The following LRP6 variants were observed in gnomAD, a reference collection of about 807,000 sequenced individuals.
LRP6 encodes LDL receptor related protein 6, also known as low-density lipoprotein receptor-related protein 6.
In LRP6, 43 loss-of-function variants were observed where a neutral mutation model predicts 184.1. The observed-to-expected ratio is 0.23, with a 90% CI of 0.18 to 0.30. The LOEUF is 0.30. LRP6 is among the 10% of genes least tolerant of loss of function. LRP6 has a pLI of 1.00. For synonymous variants in LRP6, 719 were observed against 684.9 expected, an observed-to-expected ratio of 1.05 and a Z score of -0.78; for missense variants, 1,571 against 2,005.3, an observed-to-expected ratio of 0.78 and a Z score of 4.14.
chr12:12,229,323 T>C (rs1327081475), intron 2 of LRP6, among the ~76,000 whole-genome samples: 1 of 138,980 alleles, frequency 7.2e-6, no homozygotes, highest in Non-Finnish European at 1.5e-5. Context: ...TGAGCCGAGA[T>C]CATGCCATTG....
intron 7 of LRP6, among the ~76,000 whole-genome samples, chr12:12,179,015 C>A (rs758261368): frequency 1.7e-4 from 26 of 152,048 alleles, no homozygotes; most frequent in Non-Finnish European, 3.2e-4. Context: ...TGTGAAGTTT[C>A]CCCCAAAGGA....
At chr12:12,237,966 T>A (rs1017027819) in intron 2 of LRP6, among the ~76,000 whole-genome samples, 9 of 152,172 alleles carry the variant, frequency 5.9e-5, no homozygotes, top group Admixed American at 5.9e-4. Context: ...TTATACAAAA[T>A]GTCAATATTT....
At chr12:12,228,299 G>A (rs1007938437) in intron 2 of LRP6, among the ~76,000 whole-genome samples, 2 of 152,144 alleles carry the variant, frequency 1.3e-5, no homozygotes, top group African/African-American at 4.8e-5. Context: ...GGGAGGCGGA[G>A]GTTGCGGTGA....
At chr12:12,209,251 T>A (rs1472046256) in intron 2 of LRP6, among the ~76,000 whole-genome samples, 1 of 152,226 alleles carries the variant, frequency 6.6e-6, no homozygotes, top group Non-Finnish European at 1.5e-5. Context: ...CTGTAACTAA[T>A]CTAAGCATTT....
intron 1 of LRP6, among the ~76,000 whole-genome samples, chr12:12,255,632 G>A (rs1437382977): frequency 6.9e-6 from 1 of 144,324 alleles, no homozygotes; most frequent in African/African-American, 2.6e-5. Context: ...GTGCAGTGGT[G>A]CGATCTCATC....
At chr12:12,238,803 A>T (rs1317030701) in intron 2 of LRP6, among the ~76,000 whole-genome samples, 2 of 152,176 alleles carry the variant, frequency 1.3e-5, no homozygotes, top group African/African-American at 4.8e-5. Flanking sequence ...ATTAACTGGG[A>T]TGCAAAAAGC....
In LRP6 at chr12:12,159,175, AG is replaced by A. The variant is rs780629417; in HGVS notation, c.2465-21del. 1.3e-6 allele frequency: 2 copies of A among 1,581,870 alleles called. No individual in the cohort carries two copies. The highest frequency in any genetic ancestry group is 1.7e-6 in the Non-Finnish European group (2 of 1,150,632). On this transcript the variant is annotated intron_variant, in intron 11 of 22. Transcript: ENST00000261349. ...TGAGCCCTATTTTCAGAAAGGCAGT[AG>A]ACAGGGGAGAAGCAGAGTGATGAAA...
intron 3 of LRP6, among the ~76,000 whole-genome samples, chr12:12,201,564 G>A (rs1396561420): frequency 2.0e-5 from 3 of 152,116 alleles, no homozygotes; most frequent in African/African-American, 7.2e-5. Context: ...GTGATAACAT[G>A]GAGGTCTTGT....
chr12:12,253,563 AC>A (rs1315605886), intron 1 of LRP6, among the ~76,000 whole-genome samples: 1 of 132,572 alleles, frequency 7.5e-6, no homozygotes, highest in East Asian at 2.6e-4. Context: ...TCCTAATGCT[AC>A]CCCTCCCCCC....
chr12:12,187,414 G>A (rs931694622), intron 3 of LRP6: 4 of 416,384 alleles, frequency 9.6e-6, no homozygotes, highest in South Asian at 2.3e-5. Flanking sequence ...TTCATTGTTT[G>A]CACTGCTGTC....
At chr12:12,131,541 T>C (rs1369529839) in intron 18 of LRP6, among the ~76,000 whole-genome samples, 1 of 152,234 alleles carries the variant, frequency 6.6e-6, no homozygotes, top group Non-Finnish European at 1.5e-5. Context: ...ATAAATCCAC[T>C]AATTCAGAGC....
intron 7 of LRP6, 23 bp from the exon 8 acceptor site, chr12:12,165,318 G>A: frequency 6.7e-7 from 1 of 1,496,904 alleles, no homozygotes; most frequent in Non-Finnish European, 9.3e-7. Flanking sequence ...ATTCAAAAGA[G>A]AAGGGGATGA....
At chr12:12,266,636 TC>T (rs1474437036) in intron 1 of LRP6, 44 bp downstream of exon 1, 5 of 964,128 alleles carry the variant, frequency 5.2e-6, no homozygotes, top group Non-Finnish European at 7.4e-6. Flanking sequence ...CAAGGCCACC[TC>T]CCCCCGAACC....
intron 2 of LRP6, among the ~76,000 whole-genome samples, chr12:12,217,240 G>A (rs938898947): frequency 6.6e-6 from 1 of 152,068 alleles, no homozygotes. Context: ...ATTCTCATAA[G>A]AGCATAAACC....
intron 4 of LRP6, among the ~76,000 whole-genome samples, chr12:12,186,081 C>A (rs1863465616): frequency 6.6e-6 from 1 of 151,990 alleles, no homozygotes; most frequent in African/African-American, 2.4e-5. Context: ...CTCCTGACCT[C>A]AAGTGATCCA....
intron 2 of LRP6, among the ~76,000 whole-genome samples, chr12:12,209,855 A>G (rs1281886615): frequency 6.6e-6 from 1 of 152,202 alleles, no homozygotes; most frequent in East Asian, 1.9e-4. Flanking sequence ...AGTGGCAAGT[A>G]TATTGAGGAA....
chr12:12,232,954 T>C (rs1383651478), intron 2 of LRP6, among the ~76,000 whole-genome samples: 1 of 152,128 alleles, frequency 6.6e-6, no homozygotes, highest in African/African-American at 2.4e-5. Context: ...GCACCTAACA[T>C]CCCAACTGCT....
intron 16 of LRP6, among the ~76,000 whole-genome samples, 200 bp downstream of exon 16, chr12:12,138,125 C>T (rs574588452): frequency 3.3e-5 from 5 of 151,342 alleles, no homozygotes; most frequent in South Asian, 4.2e-4. Flanking sequence ...GAGCCAAGAT[C>T]GTGACACTGC....
intron 2 of LRP6, among the ~76,000 whole-genome samples, chr12:12,233,609 C>A (rs1050630772): frequency 2.0e-5 from 3 of 152,116 alleles, no homozygotes; most frequent in Non-Finnish European, 4.4e-5. Flanking sequence ...TCTAGAAAAA[C>A]CACATACAAC....
Sources: allele counts gnomAD v4.1 joint callset (sites outside exome capture counted in the v4.1 genomes callset), GRCh38; gene constraint gnomAD v4.1.1; transcripts MANE v1.5; gene names NCBI Gene and HGNC (gene_info 2026-07-23, HGNC 2026-07-21).